CMYA5: variants seen among roughly 807,000 people sequenced by gnomAD.
CMYA5 encodes the protein cardiomyopathy associated 5.
In CMYA5, 246 loss-of-function variants were observed where a neutral mutation model predicts 318.9. The ratio of observed to expected loss-of-function variants is 0.77; its 90% CI spans 0.70 to 0.86. CMYA5 has a LOEUF of 0.86. Ranked by LOEUF, CMYA5 falls within the 40% of genes least tolerant of loss-of-function variation. The pLI, the probability that CMYA5 is intolerant of heterozygous loss-of-function variation, is 0.00. For missense variants in CMYA5, 4,589 were observed against 4,678.2 expected, an observed-to-expected ratio of 0.98 and a Z score of 0.56; for synonymous variants, 1,641 against 1,729.5, an observed-to-expected ratio of 0.95 and a Z score of 1.27.
chr5:79,732,136 A>C lies in CMYA5; in HGVS notation c.3371A>C (p.Glu1124Ala). ...KTQAYLEPES[E>A]DLIPSHLTSE... is the part of the protein sequence containing the mutation. The stretch of plus-strand genomic sequence containing the variant: ...CAAGCATATTTAGAGCCTGAGTCTG[A>C]AGACTTGATTCCTTCACATTTAACC... The change falls in exon 2 of 13, where the codon GAA (glutamate) becomes GCA (alanine). Residue 1124 changes from glutamate to alanine, a missense_variant. Transcript: ENST00000446378. The C allele has an allele frequency of 6.2e-7, 1 of 1,613,960 alleles. No homozygotes were observed. The highest frequency in any genetic ancestry group is 8.5e-7 in the Non-Finnish European group (1 of 1,179,864).
intron 9 of CMYA5, 140 bp from the exon 10 acceptor site, chr5:79,788,831 G>C (rs1281957132): frequency 1.3e-6 from 1 of 771,382 alleles, no homozygotes; most frequent in Non-Finnish European, 2.0e-6. Flanking sequence ...GACCTGGCTT[G>C]CTAATCCAGT....
chr5:79,695,128 G>C lies in CMYA5; in HGVS notation c.149+5072G>C, dbSNP rs184251980. 8.9e-4 allele frequency among the ~76,000 whole-genome samples: 136 copies of C among 152,212 alleles called. 1 individual carries two copies. The highest frequency in any genetic ancestry group is 3.0e-3 in the African/African-American group (126 of 41,512). ...TAGTCCCTGGATATTCTGAAAACAG[G>C]CTTAATGAAAACCTAATTTTTTTTA... On this transcript the variant is annotated intron_variant, in intron 1 of 12. Coordinates refer to ENST00000446378, the MANE Select transcript of CMYA5 (RefSeq NM_153610.5).
chr5:79,740,130 T>C (rs1828182486), intron 2 of CMYA5, among the ~76,000 whole-genome samples: 1 of 152,230 alleles, frequency 6.6e-6, no homozygotes, highest in Admixed American at 6.5e-5. Context: ...TAGGAGAGGA[T>C]GTATGCCGGT....
chr5:79,754,580 G>GA (rs2151092945), intron 6 of CMYA5, among the ~76,000 whole-genome samples: 1 of 152,258 alleles, frequency 6.6e-6, no homozygotes, highest in African/African-American at 2.4e-5. Context: ...GTGCTGCTGA[G>GA]AAAGATGAGA....
At chr5:79,763,544 C>T (rs141118561) in intron 9 of CMYA5, 313 of 244,092 alleles carry the variant, frequency 1.3e-3, no homozygotes, top group African/African-American at 6.6e-3. Flanking sequence ...TATCAGAATC[C>T]GTACCACCTA....
chr5:79,792,696 T>C (rs541507877), intron 11 of CMYA5, among the ~76,000 whole-genome samples: 5 of 152,356 alleles, frequency 3.3e-5, no homozygotes, highest in East Asian at 1.9e-4. Context: ...CCTTGCTGTC[T>C]CAGCCATTTC....
chr5:79,752,580 C>G (rs1364709186), intron 5 of CMYA5, 96 bp from the exon 6 acceptor site: 2 of 772,328 alleles, frequency 2.6e-6, no homozygotes, highest in African/African-American at 3.5e-5. Flanking sequence ...TGCAAACCAC[C>G]ACTACCAACA....
Position 79,738,701 on chromosome 5 carries a change from G to T in CMYA5, c.9936G>T (p.Glu3312Asp), listed in dbSNP as rs770136657. 1 of 1,613,952 alleles carries T rather than the reference G, an allele frequency of 6.2e-7. No homozygotes were observed. Among genetic ancestry groups the T allele is most frequent in the South Asian group, 1.1e-5 (1 of 91,074 alleles). Residue 3312 changes from glutamate (E) to aspartate (D), a missense_variant, in exon 2 of 13, where the codon GAG becomes GAT. Physicochemically the swap from Glu to Asp is conservative, Grantham distance 45. Around this residue, in one of 3 missense-constraint regions of CMYA5, gnomAD observed 2,431 missense variants for 2,495.1 expected, o/e 0.97. Coordinates refer to ENST00000446378, the MANE Select transcript of CMYA5 (RefSeq NM_153610.5). Reference protein sequence around the residue: ...YGEGESVDHVETVGNVAMQKK... With the variant: ...YGEGESVDHVDTVGNVAMQKK... Reference sequence around the variant, plus strand: ...AAGGAGAATCAGTAGACCATGTGGAGACCGTTGGTAACGTAGCGATGCAGA... The same window carrying T: ...AAGGAGAATCAGTAGACCATGTGGATACCGTTGGTAACGTAGCGATGCAGA...
At chr5:79,774,637 G>T (rs546416146) in intron 9 of CMYA5, among the ~76,000 whole-genome samples, 6 of 152,330 alleles carry the variant, frequency 3.9e-5, no homozygotes, top group Middle Eastern at 3.4e-3. Flanking sequence ...GAGGCTATGG[G>T]CTGGGGAGAC....
At chr5:79,697,318 G>A (rs1827086903) in intron 1 of CMYA5, among the ~76,000 whole-genome samples, 1 of 152,104 alleles carries the variant, frequency 6.6e-6, no homozygotes, top group South Asian at 2.1e-4. Flanking sequence ...TCAGCCTCTG[G>A]GTCCCTCTTG....
At chr5:79,793,755 T>A (rs1471550045) in intron 12 of CMYA5, 145 bp downstream of exon 12, 1 of 709,488 alleles carries the variant, frequency 1.4e-6, no homozygotes, top group East Asian at 2.7e-5. Context: ...GTCAAGTATA[T>A]GGAGATGAAA....
At position 79,736,322 on chromosome 5, in the gene CMYA5, A is replaced by C. The variant is rs1828065948; in HGVS notation, c.7557A>C (p.Gln2519His). ...ATGCTATGCCACAGCACTTCTATCA[A>C]AATGAAGACTACAATGAAAGACCCA... The part of the protein sequence containing the change: ...KADAMPQHFY[Q>H]NEDYNERPKI... Residue 2519 changes from glutamine (Q) to histidine (H), a missense_variant, in exon 2 of 13, where the codon CAA becomes CAC. This residue lies in a region of CMYA5 where 2,431 missense variants were observed against 2,495.1 expected (regional missense o/e 0.97). Coordinates refer to ENST00000446378, the MANE Select transcript of CMYA5 (RefSeq NM_153610.5). 6.2e-7 allele frequency: 1 copy of C among 1,613,546 alleles called. No homozygotes were observed. Among genetic ancestry groups the C allele is most frequent in the African/African-American group, 1.3e-5 (1 of 74,906 alleles).
At chr5:79,788,007 CA>C (rs61626165) in intron 9 of CMYA5, among the ~76,000 whole-genome samples, 2 of 149,594 alleles carry the variant, frequency 1.3e-5, no homozygotes, top group South Asian at 2.1e-4. Context: ...TCATCAATAA[CA>C]AAAAAAAACA....
At chr5:79,716,506 A>G (rs1286841045) in intron 1 of CMYA5, among the ~76,000 whole-genome samples, 1 of 152,242 alleles carries the variant, frequency 6.6e-6, no homozygotes, top group Non-Finnish European at 1.5e-5. Flanking sequence ...AAGCTAGGCC[A>G]GCATTGTTTT....
intron 7 of CMYA5, among the ~76,000 whole-genome samples, chr5:79,760,835 C>A (rs1003221340): frequency 6.6e-6 from 1 of 152,178 alleles, no homozygotes; most frequent in Non-Finnish European, 1.5e-5. Flanking sequence ...GAGAAATATT[C>A]TTCAGTGTAC....
chr5:79,703,602 G>A (rs1217320755), intron 1 of CMYA5, among the ~76,000 whole-genome samples: 1 of 152,196 alleles, frequency 6.6e-6, no homozygotes, highest in African/African-American at 2.4e-5. Flanking sequence ...CTATAATAGA[G>A]TGTATGTATG....
At chr5:79,766,051 C>T (rs1287049971) in intron 9 of CMYA5, among the ~76,000 whole-genome samples, 1 of 152,058 alleles carries the variant, frequency 6.6e-6, no homozygotes. Flanking sequence ...GAGAGAGGGC[C>T]TCCTTGTCTT....
At chr5:79,755,621 G>C (rs1351577042) in intron 6 of CMYA5, among the ~76,000 whole-genome samples, 1 of 152,152 alleles carries the variant, frequency 6.6e-6, no homozygotes, top group Non-Finnish European at 1.5e-5. Flanking sequence ...TACTGTAAAA[G>C]TGTAAACAGA....
chr5:79,693,384 A>AGGCTGGATTGCAGT (rs1355622735), intron 1 of CMYA5, among the ~76,000 whole-genome samples: 1 of 146,714 alleles, frequency 6.8e-6, no homozygotes, highest in African/African-American at 2.5e-5. Context: ...CTGATTGCCC[A>AGGCTGGATTGCAGT]GGCTGGATTG....
Sources: gnomAD v4.1 joint callset for allele counts (sites outside exome capture counted in the v4.1 genomes callset) on GRCh38, gnomAD v4.1.1 for gene constraint, gnomAD v4.1.1 regional missense constraint, MANE v1.5 for transcripts, NCBI Gene and HGNC (gene_info 2026-07-23, HGNC 2026-07-21) for gene names.